The following ARHGAP40 variants were observed in gnomAD, a reference collection of about 807,000 sequenced individuals.
The protein encoded by ARHGAP40 is rho GTPase-activating protein 40.
ARHGAP40 carries 43 observed loss-of-function variants against 73.5 expected under a neutral mutation model. The ratio of observed to expected loss-of-function variants is 0.58; its 90% CI spans 0.46 to 0.75. The LOEUF (loss-of-function observed/expected upper bound fraction) is 0.75, where lower values mean the gene tolerates loss of function less well. ARHGAP40 is among the 30% of genes least tolerant of loss of function. ARHGAP40 has a pLI of 0.00. For missense variants in ARHGAP40, 734 were observed against 861.8 expected, an observed-to-expected ratio of 0.85 and a Z score of 1.86; for synonymous variants, 300 against 352.8, an observed-to-expected ratio of 0.85 and a Z score of 1.68.
At chr20:38,650,053 G>C in exon 15 of ARHGAP40, 1 of 368,134 alleles carries the variant, frequency 2.7e-6, no homozygotes, top group Non-Finnish European at 5.3e-6. Flanking sequence ...GAGGGGCTAG[G>C]GCCTCAGGGA....
chr20:38,614,907 CT>C, intron 1 of ARHGAP40: 1 of 1,357,094 alleles, frequency 7.4e-7, no homozygotes, highest in Non-Finnish European at 1.1e-6. Context: ...TGCACCAGGC[CT>C]TTCTCTAGAA....
intron 6 of ARHGAP40, among the ~76,000 whole-genome samples, chr20:38,636,260 A>T (rs964970522): frequency 3.6e-4 from 54 of 149,356 alleles, no homozygotes; most frequent in African/African-American, 1.3e-3. Context: ...ATTTTTATTT[A>T]TTTATTTTTT....
exon 15 of ARHGAP40, chr20:38,650,431 C>T (rs1418129303): frequency 2.1e-6 from 1 of 468,966 alleles, no homozygotes; most frequent in South Asian, 1.6e-5. Flanking sequence ...TGGACAAGCC[C>T]CTTGCCCTCT....
chr20:38,641,225 T>C (rs1296431447), intron 9 of ARHGAP40, among the ~76,000 whole-genome samples: 1 of 152,164 alleles, frequency 6.6e-6, no homozygotes, highest in Non-Finnish European at 1.5e-5. Flanking sequence ...GGGTCTTGTC[T>C]GGCTCTGATG....
chr20:38,629,467 C>T lies in ARHGAP40; in HGVS notation c.635-35C>T, dbSNP rs145627399. ...CTTGCTTCCTGGCAGCCAGTTCTCA[C>T]TGCCTTTCTCTGCTTTGTTTCCCCC... On this transcript the variant is annotated intron_variant, in intron 4 of 14. Transcript: ENST00000373345. 4.5e-4 allele frequency: 588 copies of T among 1,304,454 alleles called. 5 individuals are homozygous for T. In the African/African-American group the frequency reaches 8.1e-3, roughly 18 times the overall value. 80.8% of individuals were successfully genotyped at this position (1,304,454 alleles called of 1,614,324 possible). A position where few individuals can be genotyped will look rare whatever the true frequency, so the allele number is the denominator to read the frequency against.
intron 1 of ARHGAP40, among the ~76,000 whole-genome samples, chr20:38,611,556 T>C (rs1055859051): frequency 5.9e-5 from 9 of 151,540 alleles, no homozygotes; most frequent in Admixed American, 5.9e-4. Context: ...CGGCTGGGAC[T>C]CCAGTTATGC....
chr20:38,623,516 A>G (rs1481169719), exon 2 of ARHGAP40: 1 of 1,290,706 alleles, frequency 7.7e-7, no homozygotes. Context: ...AGATGAGCTG[A>G]GGGAAGAGGA....
intron 10 of ARHGAP40, among the ~76,000 whole-genome samples, chr20:38,643,179 C>A (rs2089029780): frequency 6.6e-6 from 1 of 151,372 alleles, no homozygotes; most frequent in African/African-American, 2.4e-5. Flanking sequence ...ACAAAAAAAA[C>A]CTACCTTATA....
intron 5 of ARHGAP40, 150 bp downstream of exon 5, chr20:38,629,800 G>A (rs1201124160): frequency 1.1e-6 from 1 of 905,234 alleles, no homozygotes; most frequent in African/African-American, 1.8e-5. Flanking sequence ...AATATTTACT[G>A]AGTGACCGCT....
At chr20:38,615,296 A>C (rs1032033193) in intron 1 of ARHGAP40, 1 of 772,550 alleles carries the variant, frequency 1.3e-6, no homozygotes, top group Non-Finnish European at 2.4e-6. Flanking sequence ...CGGAGGGAGC[A>C]GTCGACATTT....
chr20:38,643,987 T>C (rs1357048458), intron 11 of ARHGAP40, 77 bp downstream of exon 11: 29 of 1,203,118 alleles, frequency 2.4e-5, no homozygotes, highest in Non-Finnish European at 3.1e-5. Flanking sequence ...GCCTGGGCAT[T>C]GTCCTTTCAG....
intron 10 of ARHGAP40, 71 bp downstream of exon 10, chr20:38,641,879 CTCAT>C (rs548156307): frequency 1.8e-4 from 203 of 1,098,992 alleles, no homozygotes; most frequent in East Asian, 3.2e-4. Context: ...TTCAAATGTG[CTCAT>C]TCATTCATTC....
intron 1 of ARHGAP40, among the ~76,000 whole-genome samples, chr20:38,614,442 A>G (rs2088822771): frequency 6.6e-6 from 1 of 152,046 alleles, no homozygotes; most frequent in Non-Finnish European, 1.5e-5. Context: ...TAGCTGCACC[A>G]TCTACCATCC....
intron 2 of ARHGAP40, among the ~76,000 whole-genome samples, chr20:38,626,792 C>G (rs758862729): frequency 6.6e-6 from 1 of 152,014 alleles, no homozygotes; most frequent in Non-Finnish European, 1.5e-5. Context: ...GCTATCAGTA[C>G]CCCCCACCCC....
intron 1 of ARHGAP40, among the ~76,000 whole-genome samples, chr20:38,605,649 C>T (rs1467381867): frequency 2.0e-5 from 3 of 152,136 alleles, no homozygotes; most frequent in Non-Finnish European, 4.4e-5. Context: ...AATCCACCTG[C>T]CCCTCCCACC....
intron 1 of ARHGAP40, among the ~76,000 whole-genome samples, chr20:38,621,532 C>A (rs1012012149): frequency 1.3e-5 from 2 of 152,192 alleles, no homozygotes; most frequent in African/African-American, 4.8e-5. Context: ...TGTGTCTTGG[C>A]TGACATGAGC....
At chr20:38,636,644 C>T (rs1392786845) in intron 6 of ARHGAP40, among the ~76,000 whole-genome samples, 1 of 152,148 alleles carries the variant, frequency 6.6e-6, no homozygotes. Flanking sequence ...TATTAGTGGA[C>T]ATTTTTGATG....
In ARHGAP40 at chr20:38,629,609, TC is replaced by T. The variant is rs749464219; in HGVS notation, c.745del (p.Arg249GlyfsTer24). On this transcript the variant is annotated frameshift_variant, in exon 5 of 15. Coordinates refer to ENST00000373345, the Ensembl canonical transcript of ARHGAP40. LOFTEE classifies it high-confidence loss of function. Reference sequence around the variant, plus strand: ...GGTGCTCCTGCAGAGGAGCAGGCCATCCCGGGGAGGCACCTCTGCCTGGGGC... The same window carrying T: ...GGTGCTCCTGCAGAGGAGCAGGCCATCCGGGGAGGCACCTCTGCCTGGGGC... 7 of 1,305,366 alleles carry T rather than the reference TC, an allele frequency of 5.4e-6. No homozygotes were observed. The South Asian group carries it at 8.6e-5, about 16-fold the overall frequency. 80.9% of individuals were successfully genotyped at this position (1,305,366 alleles called of 1,614,324 possible). A position where few individuals can be genotyped will look rare whatever the true frequency, so the allele number is the denominator to read the frequency against.
At chr20:38,631,919 A>G (rs1911111880) in intron 5 of ARHGAP40, among the ~76,000 whole-genome samples, 2 of 152,198 alleles carry the variant, frequency 1.3e-5, no homozygotes, top group African/African-American at 2.4e-5. Flanking sequence ...AATATTTTCC[A>G]TTAATCATAG....
Sources: gnomAD v4.1 joint callset for allele counts (sites outside exome capture counted in the v4.1 genomes callset) on GRCh38, gnomAD v4.1.1 for gene constraint, MANE v1.5 for transcripts, NCBI Gene and HGNC (gene_info 2026-07-23, HGNC 2026-07-21) for gene names.